Variants in PARD3B observed in about 807,000 individuals in gnomAD.
The protein encoded by PARD3B is par-3 family cell polarity regulator beta, also known as partitioning defective 3 homolog B.
A neutral mutation model predicts 130.2 loss-of-function variants in PARD3B; 103 were observed. The ratio of observed to expected loss-of-function variants is 0.79; its 90% CI spans 0.67 to 0.93. The LOEUF (loss-of-function observed/expected upper bound fraction) is 0.93, where lower values mean the gene tolerates loss of function less well. PARD3B is among the 40% of genes least tolerant of loss of function. The pLI is 0.00. For synonymous variants in PARD3B, 583 were observed against 553.2 expected, an observed-to-expected ratio of 1.05 and a Z score of -0.76; for missense variants, 1,609 against 1,499.2, an observed-to-expected ratio of 1.07 and a Z score of -1.21.
chr2:205,209,339 G>A (rs2037496212), intron 15 of PARD3B, among the ~76,000 whole-genome samples: 2 of 151,710 alleles, frequency 1.3e-5, no homozygotes, highest in Admixed American at 1.3e-4. Context: ...AACACCAAAA[G>A]CAATGGCAAC....
At chr2:205,495,432 T>A (rs1294469345) in intron 20 of PARD3B, among the ~76,000 whole-genome samples, 3 of 152,174 alleles carry the variant, frequency 2.0e-5, no homozygotes, top group Non-Finnish European at 4.4e-5. Context: ...ATTCAGTGAA[T>A]AAATAATTAG....
chr2:205,255,018 C>G (rs1468387617), intron 16 of PARD3B, among the ~76,000 whole-genome samples: 1 of 152,002 alleles, frequency 6.6e-6, no homozygotes, highest in Non-Finnish European at 1.5e-5. Context: ...TTGTCATGAC[C>G]TGCCCTTCCA....
At chr2:205,052,932 A>T (rs1699333644) in intron 4 of PARD3B, among the ~76,000 whole-genome samples, 1 of 152,148 alleles carries the variant, frequency 6.6e-6, no homozygotes, top group African/African-American at 2.4e-5. Flanking sequence ...GTGGAGGGAA[A>T]ACACCCTGAG....
At chr2:204,726,081 A>G (rs1423038957) in intron 2 of PARD3B, among the ~76,000 whole-genome samples, 3 of 152,220 alleles carry the variant, frequency 2.0e-5, no homozygotes, top group African/African-American at 7.2e-5. Context: ...CGGACCACCC[A>G]TCAGTGGATC....
intron 19 of PARD3B, among the ~76,000 whole-genome samples, chr2:205,431,344 T>G (rs1203284702): frequency 6.6e-6 from 1 of 152,228 alleles, no homozygotes; most frequent in East Asian, 1.9e-4. Context: ...CCCAAAGTGC[T>G]GGGATTACAG....
chr2:205,270,151 T>TA (rs1389726702), intron 16 of PARD3B, among the ~76,000 whole-genome samples: 1 of 152,172 alleles, frequency 6.6e-6, no homozygotes, highest in Non-Finnish European at 1.5e-5. Flanking sequence ...TTAAAAATTT[T>TA]AAAAAAATTT....
intron 3 of PARD3B, among the ~76,000 whole-genome samples, chr2:205,000,165 C>G (rs896706461): frequency 2.0e-5 from 3 of 152,102 alleles, no homozygotes; most frequent in African/African-American, 7.2e-5. Context: ...AAGGCAGATA[C>G]CACATGCTAG....
At chr2:204,648,364 G>C (rs145318746) in intron 1 of PARD3B, among the ~76,000 whole-genome samples, 1 of 150,422 alleles carries the variant, frequency 6.6e-6, no homozygotes, top group African/African-American at 2.4e-5. Flanking sequence ...ATGCCCACTG[G>C]TGGTATTCCA....
chr2:204,815,872 A>G (rs2043128465), intron 2 of PARD3B, among the ~76,000 whole-genome samples: 1 of 152,026 alleles, frequency 6.6e-6, no homozygotes, highest in Non-Finnish European at 1.5e-5. Flanking sequence ...GTCAGGGAAC[A>G]TGCTTGTGTG....
rs780480041 is a variant in PARD3B, at chr2:205,021,203, A to G, written c.395-26378A>G. 7.2e-5 allele frequency among the ~76,000 whole-genome samples: 11 copies of G among 152,210 alleles called. No homozygotes were observed. Among genetic ancestry groups the G allele is most frequent in the Non-Finnish European group, 1.3e-4 (9 of 68,034 alleles). On this transcript the variant is annotated intron_variant, in intron 3 of 22. Coordinates refer to ENST00000406610, the MANE Select transcript of PARD3B (RefSeq NM_001302769.2). This position sits in a 1 kb window ranked among gnomAD's most constrained non-coding sequence, Gnocchi z 4.5. ...TCTGCAACTGGAAAGGATGTCCTGA[A>G]AAGCACTATTTTATATAGTTTGGTA...
At chr2:204,756,733 A>G (rs2040690662) in intron 2 of PARD3B, among the ~76,000 whole-genome samples, 1 of 152,162 alleles carries the variant, frequency 6.6e-6, no homozygotes, top group African/African-American at 2.4e-5. Flanking sequence ...GATGAAATAG[A>G]GTAAGAAAAG....
At chr2:205,107,385 A>G (rs1009238034) in intron 5 of PARD3B, among the ~76,000 whole-genome samples, 3 of 152,230 alleles carry the variant, frequency 2.0e-5, no homozygotes, top group African/African-American at 7.2e-5. Context: ...CTTCTTTAAT[A>G]TGTATCTTCA....
At chr2:205,079,297 A>G (rs1470269760) in intron 4 of PARD3B, among the ~76,000 whole-genome samples, 5 of 152,222 alleles carry the variant, frequency 3.3e-5, no homozygotes, top group Non-Finnish European at 7.3e-5. Flanking sequence ...TTGTGCTGCT[A>G]TACATAGCAA....
chr2:205,315,304 T>C (rs113906228), intron 18 of PARD3B, among the ~76,000 whole-genome samples: 2 of 152,168 alleles, frequency 1.3e-5, no homozygotes, highest in Non-Finnish European at 2.9e-5. Flanking sequence ...ATTGAAATAA[T>C]AGCATCTACC....
At chr2:205,006,357 A>T (rs895092029) in intron 3 of PARD3B, among the ~76,000 whole-genome samples, 6 of 152,228 alleles carry the variant, frequency 3.9e-5, no homozygotes, top group Admixed American at 3.9e-4. Context: ...TAAATGGTAG[A>T]TCTACTTTTG....
intron 18 of PARD3B, among the ~76,000 whole-genome samples, chr2:205,396,015 CCT>C (rs957990953): frequency 6.6e-5 from 10 of 152,098 alleles, no homozygotes; most frequent in African/African-American, 2.2e-4. Context: ...GGCGGAGTTT[CCT>C]CTCTCATCTC....
chr2:205,519,113 T>A (rs1323780441), intron 21 of PARD3B, among the ~76,000 whole-genome samples: 1 of 152,254 alleles, frequency 6.6e-6, no homozygotes, highest in Non-Finnish European at 1.5e-5. Context: ...CTGTATTTCC[T>A]GAGTTTGACC....
At chr2:204,984,998 A>G (rs747433277) in intron 3 of PARD3B, among the ~76,000 whole-genome samples, 1 of 150,954 alleles carries the variant, frequency 6.6e-6, no homozygotes, top group Non-Finnish European at 1.5e-5. Context: ...CAGCTCTCAC[A>G]AAATCTTCTC....
intron 21 of PARD3B, among the ~76,000 whole-genome samples, chr2:205,521,569 AT>A (rs2051060337): frequency 6.8e-6 from 1 of 146,538 alleles, no homozygotes; most frequent in Non-Finnish European, 1.5e-5. Context: ...TTCTTTTTCT[AT>A]TAATGTGAGA....
Sources: gnomAD v4.1 joint callset for allele counts (sites outside exome capture counted in the v4.1 genomes callset) on GRCh38, gnomAD v4.1.1 for gene constraint, Gnocchi (gnomAD v3.1) non-coding constraint, MANE v1.5 for transcripts, NCBI Gene and HGNC (gene_info 2026-07-23, HGNC 2026-07-21) for gene names.